Variants in ADAM20 observed in about 807,000 individuals in gnomAD.
The protein encoded by ADAM20 is disintegrin and metalloproteinase domain-containing protein 20.
For synonymous variants in ADAM20, 305 were observed against 310.2 expected (o/e 0.98, Z 0.18); for missense variants, 871 against 883.2 (o/e 0.99, Z 0.18).
At chr14:70,531,618 A>G (rs773323852) in intron 1 of ADAM20, among the ~76,000 whole-genome samples, 54 of 152,158 alleles carry the variant, frequency 3.5e-4, no homozygotes, top group Non-Finnish European at 5.9e-4. Context: ...AGATTCTACA[A>G]AAACAAACCT....
chr14:70,534,399 C>A (rs987018558), intron 1 of ADAM20, among the ~76,000 whole-genome samples: 2 of 152,124 alleles, frequency 1.3e-5, no homozygotes, highest in African/African-American at 4.8e-5. Context: ...TTGAAGATAT[C>A]TTTGCATTCC....
Position 70,523,443 on chromosome 14 carries a change from A to G in ADAM20, c.1315T>C (p.Cys439Arg). 1 of 1,614,072 alleles carries G rather than the reference A, an allele frequency of 6.2e-7. No individual in the cohort carries two copies. The highest frequency in any genetic ancestry group is 1.7e-5 in the Admixed American group (1 of 60,000). ...CAAGCAGCCCCAGGATGTAGAGTAC[A>G]GTTTAACAGACAACAGGGATCTTTT... ...CAKDPCCLLN[C>R]TLHPGAACAF... The change falls in exon 2 of 2, where the codon TGT becomes CGT. Residue 439 changes from cysteine (C) to arginine (R), a missense_variant. Transcript: ENST00000256389.
At chr14:70,532,740 A>T (rs1883740192) in intron 1 of ADAM20, among the ~76,000 whole-genome samples, 1 of 152,094 alleles carries the variant, frequency 6.6e-6, no homozygotes, top group Non-Finnish European at 1.5e-5. Context: ...ACATGACAGG[A>T]GAAGTATTTG....
rs745796549 is a variant in ADAM20, at chr14:70,523,487, CCA to C, written c.1269_1270del (p.Cys423TrpfsTer43). The C allele has an allele frequency of 6.2e-6, 10 of 1,614,072 alleles. No homozygotes were observed. In the East Asian group the frequency reaches 1.8e-4, roughly 29 times the overall value. ...ATCTTTTGCACACTGCCGTATGGTT[CCA>C]CAGTCACATTCCTCCCCTTCTTCAA... On this transcript the variant is annotated frameshift_variant, in exon 2 of 2. Transcript: ENST00000256389. LOFTEE classifies it low-confidence loss of function (END_TRUNC).
chr14:70,538,267 C>T (rs72719738), upstream of ADAM20, among the ~76,000 whole-genome samples: 4,120 of 152,250 alleles, frequency 0.027, 83 homozygotes, highest in Middle Eastern at 0.058. Flanking sequence ...AGGCACTGCT[C>T]GCATTCATAT....
chr14:70,523,731 C>T lies in ADAM20; in HGVS notation c.1027G>A (p.Glu343Lys), dbSNP rs773132300. Residue 343 changes from glutamate to lysine, a missense_variant, in exon 2 of 2, where the codon GAG becomes AAG. Transcript: ENST00000256389. ...TGCATACCCAAATTATGACCAAGCT[C>T]GTGGCCCAAAGTAATTGCAAAAACG... ...LVVFAITLGH[E>K]LGHNLGMQHD... 5 of 1,613,910 alleles carry T rather than the reference C, an allele frequency of 3.1e-6. No individual in the cohort carries two copies. The highest frequency in any genetic ancestry group is 3.3e-5 in the Admixed American group (2 of 59,956).
chr14:70,562,284 T>C, the ADAM20 span, among the ~76,000 whole-genome samples: 2 of 152,338 alleles, frequency 1.3e-5, no homozygotes, highest in Admixed American at 1.3e-4. Context: ...CTATAGCCCC[T>C]TTGTGTTGGC....
At chr14:70,572,535 C>T in the ADAM20 span, among the ~76,000 whole-genome samples, 1 of 152,022 alleles carries the variant, frequency 6.6e-6, no homozygotes, top group Non-Finnish European at 1.5e-5. Flanking sequence ...TGGATTGGCC[C>T]AAGCAAAGAA....
At chr14:70,569,583 G>A in the ADAM20 span, among the ~76,000 whole-genome samples, 2 of 151,902 alleles carry the variant, frequency 1.3e-5, no homozygotes, top group Non-Finnish European at 2.9e-5. Flanking sequence ...CATCTATCAT[G>A]CAAATGAAAA....
At chr14:70,541,842 G>T in the ADAM20 span, among the ~76,000 whole-genome samples, 8 of 152,222 alleles carry the variant, frequency 5.3e-5, no homozygotes, top group South Asian at 1.7e-3. Flanking sequence ...AATTATAATT[G>T]TTATGTTCAA....
Position 70,522,427 on chromosome 14 carries a change from T to C in ADAM20, c.*150A>G, listed in dbSNP as rs544133946. On this transcript the variant is annotated 3_prime_UTR_variant, in exon 2 of 2. Coordinates refer to ENST00000256389, the MANE Select transcript of ADAM20 (RefSeq NM_003814.5). ...TAAGTAAGAATAGGCTAGGAATCCT[T>C]TGCTGTGATAGCTAATGCTTGCAAT... 5 of 787,166 alleles carry C rather than the reference T, an allele frequency of 6.4e-6. No homozygotes were observed. In the South Asian group the frequency reaches 9.7e-5, roughly 15 times the overall value. The allele number at this position is 787,166 out of a possible 1,614,324, so 48.8% of individuals were successfully genotyped here. A position where few individuals can be genotyped will look rare whatever the true frequency, so the allele number is the denominator to read the frequency against.
the ADAM20 span, chr14:70,557,160 T>C: frequency 1.3e-5 from 2 of 152,156 alleles, no homozygotes; most frequent in African/African-American, 4.8e-5. Flanking sequence ...CATAATGCTA[T>C]AATTAAAAAA....
the ADAM20 span, among the ~76,000 whole-genome samples, chr14:70,574,501 A>G: frequency 6.6e-6 from 1 of 152,034 alleles, no homozygotes; most frequent in East Asian, 1.9e-4. Context: ...TTAGCCGGGC[A>G]TGGTGGCGGG....
In ADAM20 at chr14:70,522,873, C is replaced by T; in HGVS notation, c.1885G>A (p.Val629Ile). Reference sequence around the variant, plus strand: ...GGCTGACAGGCTTGTGACAGATGAACCATACTGGCACACTTCTTACGGATG... The same window carrying T: ...GGCTGACAGGCTTGTGACAGATGAATCATACTGGCACACTTCTTACGGATG... The part of the protein sequence containing the change: ...ICIRKKCASM[V>I]HLSQACQPKT... Residue 629 changes from valine (V) to isoleucine (I), a missense_variant, in exon 2 of 2, where the codon GTT (valine) becomes ATT (isoleucine). By Grantham distance (29) the Val-to-Ile change is conservative (BLOSUM62 3). Coordinates refer to ENST00000256389, the MANE Select transcript of ADAM20 (RefSeq NM_003814.5). The T allele has an allele frequency of 6.2e-7, 1 of 1,614,062 alleles. No individual in the cohort carries two copies. Among genetic ancestry groups the T allele is most frequent in the Non-Finnish European group, 8.5e-7 (1 of 1,179,962 alleles).
Position 70,528,055 on chromosome 14 carries a change from T to A in ADAM20, c.-176-3122A>T, listed in dbSNP as rs193220307. On this transcript the variant is annotated intron_variant, in intron 1 of 1. Coordinates refer to ENST00000256389, the MANE Select transcript of ADAM20 (RefSeq NM_003814.5). ...GTGTTTGAAATATTTATGTATATGG[T>A]CTGCTTTTTTATGTGTGGTTCTACC... Among the ~76,000 whole-genome samples, 421 of 152,354 alleles carry A rather than the reference T, an allele frequency of 2.8e-3. 1 individual carries two copies. Among genetic ancestry groups the A allele is most frequent in the African/African-American group, 9.9e-3 (411 of 41,590 alleles).
In ADAM20 at chr14:70,523,573, A is replaced by T. The variant is rs1401466563; in HGVS notation, c.1185T>A (p.Ile395=). 1 of 1,614,126 alleles carries T rather than the reference A, an allele frequency of 6.2e-7. No homozygotes were observed. The highest frequency in any genetic ancestry group is 8.5e-7 in the Non-Finnish European group (1 of 1,179,998). Residue 395 remains isoleucine, a synonymous_variant, in exon 2 of 2, where the codon ATT becomes ATA. Coordinates refer to ENST00000256389, the MANE Select transcript of ADAM20 (RefSeq NM_003814.5). ...WDSTISSGLC[I]QPPPYPGNIF... is the part of the protein sequence containing the mutation. Reference sequence around the variant, plus strand: ...TATTCCCTGGATATGGAGGCGGTTGAATACATAATCCACTACTGATAGTAC... The same window carrying T: ...TATTCCCTGGATATGGAGGCGGTTGTATACATAATCCACTACTGATAGTAC...
chr14:70,554,581 G>T, the ADAM20 span, among the ~76,000 whole-genome samples: 1 of 152,052 alleles, frequency 6.6e-6, no homozygotes, highest in Non-Finnish European at 1.5e-5. Flanking sequence ...CCTTAACAAA[G>T]AAGAATATCC....
the ADAM20 span, among the ~76,000 whole-genome samples, chr14:70,569,885 C>CAAAAA: frequency 2.8e-3 from 211 of 76,180 alleles, 3 homozygotes; most frequent in African/African-American, 3.5e-3. Flanking sequence ...AGAAAACTAA[C>CAAAAA]AAAAAAAAAA....
At chr14:70,566,281 T>C in the ADAM20 span, among the ~76,000 whole-genome samples, 5 of 152,194 alleles carry the variant, frequency 3.3e-5, no homozygotes, top group African/African-American at 7.2e-5. Flanking sequence ...AAGATGTAAA[T>C]TGTGACATCA....
Sources: allele counts gnomAD v4.1 joint callset (sites outside exome capture counted in the v4.1 genomes callset), GRCh38; gene constraint gnomAD v4.1.1; transcripts MANE v1.5; gene names NCBI Gene and HGNC (gene_info 2026-07-23, HGNC 2026-07-21).